Variants in CLUL1 observed in about 807,000 individuals in gnomAD.
The protein encoded by CLUL1 is clusterin like 1.
A neutral mutation model predicts 49.4 loss-of-function variants in CLUL1; 43 were observed. The observed-to-expected ratio is 0.87, with a 90% confidence interval of 0.68 to 1.12. The LOEUF (loss-of-function observed/expected upper bound fraction) is 1.12. Ranked by LOEUF, CLUL1 falls within the 50% of genes most tolerant of loss-of-function variation. CLUL1 has a pLI of 0.00. For synonymous variants in CLUL1, 192 were observed against 184.9 expected (o/e 1.04, Z -0.31); for missense variants, 486 against 544.4 (o/e 0.89, Z 1.07).
At chr18:614,978 C>A (rs1443666724) in intron 2 of CLUL1, among the ~76,000 whole-genome samples, 1 of 152,234 alleles carries the variant, frequency 6.6e-6, no homozygotes, top group Non-Finnish European at 1.5e-5. Context: ...CTGTCCAAGC[C>A]TGAACTTAGC....
chr18:640,952 C>T (rs1460961213), intron 7 of CLUL1, among the ~76,000 whole-genome samples: 1 of 152,030 alleles, frequency 6.6e-6, no homozygotes, highest in Non-Finnish European at 1.5e-5. Context: ...TGGACATATA[C>T]ATCCAAAATC....
chr18:621,933 A>G (rs1304606688), intron 4 of CLUL1, among the ~76,000 whole-genome samples: 1 of 152,198 alleles, frequency 6.6e-6, no homozygotes, highest in South Asian at 2.1e-4. Context: ...GAAGAATCCA[A>G]GCAACTAGTA....
intron 6 of CLUL1, among the ~76,000 whole-genome samples, chr18:629,765 C>G (rs2144092985): frequency 6.6e-6 from 1 of 152,340 alleles, no homozygotes; most frequent in East Asian, 1.9e-4. Flanking sequence ...CAGTATCCCT[C>G]CCCTAGCCAG....
chr18:615,558 T>C (rs548347212), intron 2 of CLUL1, among the ~76,000 whole-genome samples: 1 of 152,322 alleles, frequency 6.6e-6, no homozygotes, highest in South Asian at 2.1e-4. Flanking sequence ...GGGTAAAAGC[T>C]GGACAATTTC....
At position 618,101 on chromosome 18, in the gene CLUL1, T is replaced by C. The variant is rs1457389277; in HGVS notation, c.101T>C (p.Leu34Pro). 1 of 1,611,278 alleles carries C rather than the reference T, an allele frequency of 6.2e-7. No homozygotes were observed. The highest frequency in any genetic ancestry group is 8.5e-7 in the Non-Finnish European group (1 of 1,177,520). ...WKDKTAISEN[L>P]KSFSEVGEID... Reference sequence around the variant, plus strand: ...GACAAAACTGCTATCAGTGAAAACCTGAAGAGTACGTTTGGTTTCTTATCT... The same window carrying C: ...GACAAAACTGCTATCAGTGAAAACCCGAAGAGTACGTTTGGTTTCTTATCT... The change falls in exon 3 of 10, where the codon CTG becomes CCG. Residue 34 changes from leucine (L) to proline (P), a missense_variant. Leu to Pro is a moderately conservative substitution (Grantham distance 98). Transcript: ENST00000692774. The surrounding 1 kb of genome is among the most constrained non-coding windows in gnomAD (Gnocchi z 4.2).
At chr18:623,223 G>C (rs1362571818) in intron 4 of CLUL1, among the ~76,000 whole-genome samples, 1 of 152,086 alleles carries the variant, frequency 6.6e-6, no homozygotes, top group Non-Finnish European at 1.5e-5. Flanking sequence ...AGCAGAGACA[G>C]GGTTTTACTA....
At chr18:630,866 T>C (rs1420518074) in intron 6 of CLUL1, among the ~76,000 whole-genome samples, 1 of 151,698 alleles carries the variant, frequency 6.6e-6, no homozygotes, top group African/African-American at 2.4e-5. Flanking sequence ...TTTGCATTTT[T>C]TTTTTTTTGA....
rs1463705372 is a variant in CLUL1 at position 607,421 on chromosome 18, GC to G, written c.-14+325del. On this transcript the variant is annotated intron_variant, in intron 2 of 9. Coordinates refer to ENST00000692774, the MANE Select transcript of CLUL1 (RefSeq NM_001393344.1). ...TGGGATTACAGGCGTGAGCCACTACGCCCAGCCTATTTTATTTTATAATTTT... is the reference window on the plus strand; with the variant it reads ...TGGGATTACAGGCGTGAGCCACTACGCCAGCCTATTTTATTTTATAATTTT... Among the ~76,000 whole-genome samples, 7 of 152,160 alleles carry G rather than the reference GC, an allele frequency of 4.6e-5. No individual in the cohort carries two copies. In the East Asian group the frequency reaches 1.4e-3, roughly 29 times the overall value.
chr18:632,978 G>A (rs1366171146), intron 6 of CLUL1, among the ~76,000 whole-genome samples: 1 of 151,996 alleles, frequency 6.6e-6, no homozygotes, highest in Non-Finnish European at 1.5e-5. Context: ...ACAACATGGC[G>A]CAACCCCATC....
intron 4 of CLUL1, among the ~76,000 whole-genome samples, chr18:621,377 G>A (rs147627426): frequency 4.5e-4 from 68 of 152,308 alleles, no homozygotes; most frequent in African/African-American, 8.4e-4. Context: ...GTGTGTCAGC[G>A]TCACCGGACT....
chr18:640,419 G>T (rs897081570), intron 7 of CLUL1, among the ~76,000 whole-genome samples: 9 of 150,854 alleles, frequency 6.0e-5, no homozygotes, highest in Non-Finnish European at 1.2e-4. Flanking sequence ...TGAAAAAAAA[G>T]AAAAGAAAAA....
At chr18:612,194 A>C (rs1446235861) in intron 2 of CLUL1, among the ~76,000 whole-genome samples, 1 of 152,206 alleles carries the variant, frequency 6.6e-6, no homozygotes, top group African/African-American at 2.4e-5. Context: ...AAACCAGTGC[A>C]TTATTGTTGC....
At chr18:649,831 A>C in intron 9 of CLUL1, 67 bp from the exon 10 acceptor site, 1 of 1,086,482 alleles carries the variant, frequency 9.2e-7, no homozygotes. Context: ...TCCAAGAAAA[A>C]ATACACTGAG....
rs758596736 is a variant in CLUL1 at position 641,322 on chromosome 18, G to A, written c.995-5G>A. On this transcript the variant is annotated splice_region_variant and splice_polypyrimidine_tract_variant and intron_variant, in intron 7 of 9. Coordinates refer to ENST00000692774, the MANE Select transcript of CLUL1 (RefSeq NM_001393344.1). ...CCTTCTCCACATTACTTTCTTCTCT[G>A]CTAGACTGTCCTGATGTACCTGCTC... 6.2e-7 allele frequency: 1 copy of A among 1,613,992 alleles called. No individual in the cohort carries two copies.
chr18:627,971 G>A (rs1370202296), intron 6 of CLUL1, among the ~76,000 whole-genome samples: 2 of 152,098 alleles, frequency 1.3e-5, no homozygotes, highest in Non-Finnish European at 2.9e-5. Context: ...CTACAGTTGT[G>A]CACCACCACG....
rs1347240161 is a variant in CLUL1, at chr18:606,785, C to T, written c.-135-193C>T. Among the ~76,000 whole-genome samples, 2 of 152,010 alleles carry T rather than the reference C, an allele frequency of 1.3e-5. No individual in the cohort carries two copies. The highest frequency in any genetic ancestry group is 1.9e-4 in the East Asian group (1 of 5,194). On this transcript the variant is annotated intron_variant, in intron 1 of 9. Transcript: ENST00000692774. The surrounding 1 kb of genome is among the most constrained non-coding windows in gnomAD (Gnocchi z 4.1). ...ACATATACACACAAACAAAAATAAA[C>T]GTGAGATATGATTCTCCCGGAGTGT...
chr18:627,336 A>G lies in CLUL1; in HGVS notation c.663A>G (p.Thr221=), dbSNP rs770109169. Residue 221 remains threonine, a synonymous_variant, in exon 6 of 10, where the codon ACA becomes ACG. Coordinates refer to ENST00000692774, the MANE Select transcript of CLUL1 (RefSeq NM_001393344.1). ...QTFQSHFISD[T]DLTEPYFFPA... ...TTCAATCACATTTCATATCAGATACAGACCTAACTGAGCCTTACTTTTTTC... is the reference window on the plus strand; with the variant it reads ...TTCAATCACATTTCATATCAGATACGGACCTAACTGAGCCTTACTTTTTTC... 3 of 1,614,076 alleles carry G rather than the reference A, an allele frequency of 1.9e-6. No homozygotes were observed. Among genetic ancestry groups the G allele is most frequent in the African/African-American group, 2.7e-5 (2 of 75,046 alleles).
intron 4 of CLUL1, among the ~76,000 whole-genome samples, chr18:623,380 C>T (rs1178918098): frequency 6.6e-6 from 1 of 152,098 alleles, no homozygotes; most frequent in Non-Finnish European, 1.5e-5. Flanking sequence ...TGAGGTGGCT[C>T]ATGCCTGCAA....
At chr18:649,638 CTTTA>C in intron 9 of CLUL1, 1 of 385,338 alleles carries the variant, frequency 2.6e-6, no homozygotes, top group South Asian at 4.7e-5. Flanking sequence ...AGAATAAACA[CTTTA>C]TTATCACATC....
Sources: gnomAD v4.1 joint callset for allele counts (sites outside exome capture counted in the v4.1 genomes callset) on GRCh38, gnomAD v4.1.1 for gene constraint, Gnocchi (gnomAD v3.1) non-coding constraint, MANE v1.5 for transcripts, NCBI Gene and HGNC (gene_info 2026-07-23, HGNC 2026-07-21) for gene names.